Variants in B3GAT2 observed in about 807,000 individuals in gnomAD.
B3GAT2 encodes the protein beta-1,3-glucuronyltransferase 2, also known as galactosylgalactosylxylosylprotein 3-beta-glucuronosyltransferase 2.
Under a neutral mutation model 27.8 loss-of-function variants are expected in B3GAT2, and 26 were observed. The ratio of observed to expected loss-of-function variants is 0.93; its 90% CI spans 0.68 to 1.30. The LOEUF is 1.30. Ranked by LOEUF, B3GAT2 falls within the 50% of genes most tolerant of loss-of-function variation. The pLI is 0.00. For synonymous variants in B3GAT2, 218 were observed against 195.1 expected, an observed-to-expected ratio of 1.12 and a Z score of -0.98; for missense variants, 458 against 459.0, an observed-to-expected ratio of 1.00 and a Z score of 0.02.
At chr6:70,862,450 G>T (rs1771773465) in intron 2 of B3GAT2, among the ~76,000 whole-genome samples, 1 of 152,058 alleles carries the variant, frequency 6.6e-6, no homozygotes, top group Non-Finnish European at 1.5e-5. Context: ...GATTCATTTT[G>T]CATTTAGAAG....
Position 70,858,950 on chromosome 6 carries a change from C to G in B3GAT2, c.*2713G>C, listed in dbSNP as rs1771566669. ...ACATTTCTATTTCAGGTGCTGTGTT[C>G]TGACTTTTCTCTAGCTGCACAGACA... On this transcript the variant is annotated 3_prime_UTR_variant, in exon 4 of 4. Coordinates refer to ENST00000230053, the MANE Select transcript of B3GAT2 (RefSeq NM_080742.3). 1 of 158,014 alleles carries G rather than the reference C, an allele frequency of 6.3e-6. No homozygotes were observed. The allele number at this position is 158,014 out of a possible 1,614,324, so 9.8% of individuals were successfully genotyped here.
chr6:70,880,133 G>T (rs1300439644), intron 2 of B3GAT2, among the ~76,000 whole-genome samples: 1 of 152,038 alleles, frequency 6.6e-6, no homozygotes, highest in Non-Finnish European at 1.5e-5. Context: ...GGTAGAGAGA[G>T]AGACTGGAGT....
rs1771528044 is a variant in B3GAT2 at position 70,858,292 on chromosome 6, T to G, written c.*3371A>C. 1 of 1,022,342 alleles carries G rather than the reference T, an allele frequency of 9.8e-7. No individual in the cohort carries two copies. Among genetic ancestry groups the G allele is most frequent in the Non-Finnish European group, 1.3e-6 (1 of 775,188 alleles). The allele number at this position is 1,022,342 out of a possible 1,614,324, so 63.3% of individuals were successfully genotyped here. A position where few individuals can be genotyped will look rare whatever the true frequency, so the allele number is the denominator to read the frequency against. On this transcript the variant is annotated 3_prime_UTR_variant, in exon 4 of 4. Transcript: ENST00000230053. Reference sequence around the variant, plus strand: ...ACCAGATTTATTTTCTAAATCTTTTTTTTTTTTTTTTTTTTTTTTTTTTAA... The same window carrying G: ...ACCAGATTTATTTTCTAAATCTTTTGTTTTTTTTTTTTTTTTTTTTTTTAA...
chr6:70,879,332 T>C (rs1489813794), intron 2 of B3GAT2, among the ~76,000 whole-genome samples: 1 of 152,232 alleles, frequency 6.6e-6, no homozygotes. Flanking sequence ...TTCTCCATTA[T>C]TCTGTATCAT....
chr6:70,944,246 C>T (rs563059035), intron 1 of B3GAT2, among the ~76,000 whole-genome samples: 70 of 152,242 alleles, frequency 4.6e-4, no homozygotes, highest in Middle Eastern at 6.9e-3. Context: ...TGCAGCACAC[C>T]GTGCCCAAGC....
chr6:70,944,849 C>T lies in B3GAT2; in HGVS notation c.591+10990G>A, dbSNP rs367850997. Among the ~76,000 whole-genome samples, 228 of 152,230 alleles carry T rather than the reference C, an allele frequency of 1.5e-3. 3 individuals are homozygous for T. The East Asian group carries it at 0.03, about 20-fold the overall frequency. ...AGTAGGGGCAGACTGACACCTCACA[C>T]GGCCAGGTACTCCTCTGAGACAAAA... On this transcript the variant is annotated intron_variant, in intron 1 of 3. Transcript: ENST00000230053.
intron 1 of B3GAT2, among the ~76,000 whole-genome samples, chr6:70,954,312 T>C (rs1270851351): frequency 6.6e-6 from 1 of 152,110 alleles, no homozygotes; most frequent in African/African-American, 2.4e-5. Context: ...GTAAGGACCA[T>C]ACTATACAAT....
intron 1 of B3GAT2, among the ~76,000 whole-genome samples, chr6:70,944,908 G>A (rs987811188): frequency 6.6e-5 from 10 of 152,124 alleles, no homozygotes; most frequent in Non-Finnish European, 1.2e-4. Context: ...CAGCATTCGC[G>A]GTTCACGAAA....
At chr6:70,916,324 T>C (rs1772773423) in intron 1 of B3GAT2, among the ~76,000 whole-genome samples, 1 of 152,234 alleles carries the variant, frequency 6.6e-6, no homozygotes, top group Admixed American at 6.5e-5. Flanking sequence ...GTTTTCTACA[T>C]ATATAATCAT....
rs1771467092 is a variant in B3GAT2 at position 70,857,280 on chromosome 6, C to T, written c.*4383G>A. 1 of 306,924 alleles carries T rather than the reference C, an allele frequency of 3.3e-6. No homozygotes were observed. The highest frequency in any genetic ancestry group is 6.0e-6 in the Non-Finnish European group (1 of 167,952). The allele number at this position is 306,924 out of a possible 1,614,324, so 19.0% of individuals were successfully genotyped here. On this transcript the variant is annotated 3_prime_UTR_variant, in exon 4 of 4. Coordinates refer to ENST00000230053, the MANE Select transcript of B3GAT2 (RefSeq NM_080742.3). The stretch of plus-strand genomic sequence containing the variant: ...AGATCACTAAATGTTGTTTCACAAG[C>T]TTATAGAACATGGATTATCTTTGAT...
chr6:70,908,105 AG>A (rs1772630392), intron 1 of B3GAT2, among the ~76,000 whole-genome samples: 1 of 152,172 alleles, frequency 6.6e-6, no homozygotes, highest in Non-Finnish European at 1.5e-5. Flanking sequence ...GTTTGGTGCA[AG>A]GCCATAAAAA....
intron 1 of B3GAT2, among the ~76,000 whole-genome samples, chr6:70,939,142 T>C (rs895232100): frequency 1.3e-4 from 19 of 151,920 alleles, no homozygotes; most frequent in African/African-American, 4.3e-4. Flanking sequence ...AAAAGACATA[T>C]GAAAAAACGC....
At chr6:70,929,794 T>G (rs1266372209) in intron 1 of B3GAT2, among the ~76,000 whole-genome samples, 1 of 152,152 alleles carries the variant, frequency 6.6e-6, no homozygotes, top group Non-Finnish European at 1.5e-5. Flanking sequence ...TTAACTGCCA[T>G]CCCCATTGAG....
At chr6:70,937,007 C>A (rs1398327980) in intron 1 of B3GAT2, among the ~76,000 whole-genome samples, 41 of 151,566 alleles carry the variant, frequency 2.7e-4, no homozygotes, top group African/African-American at 2.4e-5. Context: ...AGACCACTAG[C>A]AAGACTAATA....
At chr6:70,866,555 T>G (rs568405020) in intron 2 of B3GAT2, among the ~76,000 whole-genome samples, 1 of 152,010 alleles carries the variant, frequency 6.6e-6, no homozygotes, top group East Asian at 1.9e-4. Flanking sequence ...AGATGAAAAA[T>G]ACATTGGATG....
In B3GAT2 at chr6:70,917,822, T is replaced by G. The variant is rs565363718; in HGVS notation, c.592-23550A>C. Among the ~76,000 whole-genome samples the G allele has an allele frequency of 3.9e-5, 6 of 152,352 alleles. No individual in the cohort carries two copies. The South Asian group carries it at 1.2e-3, about 32-fold the overall frequency. ...GAGCAGTGTTTTGCTTCCAATTATGTGGTCAATTTTAGAATAAGTGTGATG... is the reference window on the plus strand; with the variant it reads ...GAGCAGTGTTTTGCTTCCAATTATGGGGTCAATTTTAGAATAAGTGTGATG... On this transcript the variant is annotated intron_variant, in intron 1 of 3. Transcript: ENST00000230053.
At chr6:70,910,965 G>T (rs1456375660) in intron 1 of B3GAT2, among the ~76,000 whole-genome samples, 1 of 152,146 alleles carries the variant, frequency 6.6e-6, no homozygotes, top group Non-Finnish European at 1.5e-5. Flanking sequence ...TTGGTCACAT[G>T]TATGTCATCT....
chr6:70,947,578 G>A (rs888293840), intron 1 of B3GAT2, among the ~76,000 whole-genome samples: 13 of 151,686 alleles, frequency 8.6e-5, no homozygotes, highest in African/African-American at 2.9e-4. Context: ...CTGAAATTGT[G>A]GGAATAATCA....
chr6:70,949,086 T>C (rs1052171266), intron 1 of B3GAT2, among the ~76,000 whole-genome samples: 4 of 152,078 alleles, frequency 2.6e-5, no homozygotes, highest in South Asian at 2.1e-4. Flanking sequence ...ACGTTAGACC[T>C]AAAACCATAA....
Sources: allele counts gnomAD v4.1 joint callset (sites outside exome capture counted in the v4.1 genomes callset), GRCh38; gene constraint gnomAD v4.1.1; transcripts MANE v1.5; gene names NCBI Gene and HGNC (gene_info 2026-07-23, HGNC 2026-07-21).